Variants in KIAA1671 observed in about 807,000 individuals in gnomAD.
The protein encoded by KIAA1671 is uncharacterized protein KIAA1671.
KIAA1671 carries 52 observed loss-of-function variants against 131.2 expected under a neutral mutation model. That is an observed-to-expected ratio of 0.40 (90% CI 0.32 to 0.50). KIAA1671 has a LOEUF of 0.50. Among genes scored for constraint, KIAA1671 ranks in the 20% least tolerant of loss-of-function variants. KIAA1671 has a pLI of 0.73. For synonymous variants in KIAA1671, 1,003 were observed against 961.6 expected, an observed-to-expected ratio of 1.04 and a Z score of -0.80; for missense variants, 2,360 against 2,364.2, an observed-to-expected ratio of 1.00 and a Z score of 0.04.
intron 1 of KIAA1671, among the ~76,000 whole-genome samples, chr22:24,973,568 G>A (rs1014665047): frequency 1.3e-5 from 2 of 151,192 alleles, no homozygotes; most frequent in African/African-American, 4.9e-5. Context: ...TAATTTTTTT[G>A]TATTTTTAAT....
chr22:25,102,199 G>T (rs1930722338), intron 6 of KIAA1671, among the ~76,000 whole-genome samples: 1 of 152,212 alleles, frequency 6.6e-6, no homozygotes, highest in Non-Finnish European at 1.5e-5. Context: ...CGCTGTCAAA[G>T]TTCAGATCAT....
At chr22:25,049,520 C>T in intron 6 of KIAA1671, 156 bp downstream of exon 6, 1 of 798,814 alleles carries the variant, frequency 1.3e-6, no homozygotes, top group Non-Finnish European at 1.9e-6. Flanking sequence ...ACCTGACTAG[C>T]TGTGTTGTGG....
intron 1 of KIAA1671, among the ~76,000 whole-genome samples, chr22:24,972,470 A>C (rs570105314): frequency 6.6e-6 from 1 of 152,166 alleles, no homozygotes; most frequent in African/African-American, 2.4e-5. Context: ...GCATGCATGC[A>C]TCCATCCATC....
intron 6 of KIAA1671, among the ~76,000 whole-genome samples, chr22:25,169,826 G>A (rs1226635055): frequency 6.6e-6 from 1 of 152,236 alleles, no homozygotes; most frequent in Non-Finnish European, 1.5e-5. Flanking sequence ...AACAGCCCAA[G>A]GGATTGATGT....
chr22:24,990,820 T>C (rs1923796652), intron 1 of KIAA1671, among the ~76,000 whole-genome samples: 1 of 151,992 alleles, frequency 6.6e-6, no homozygotes. Context: ...TAGGAAGGGC[T>C]CAGGGCTCGG....
At position 25,170,833 on chromosome 22, in the gene KIAA1671, A is replaced by C. The variant is rs772343799; in HGVS notation, c.4544A>C (p.Gln1515Pro). 6.4e-7 allele frequency: 1 copy of C among 1,551,706 alleles called. No individual in the cohort carries two copies. Among genetic ancestry groups the C allele is most frequent in the South Asian group, 1.2e-5 (1 of 84,060 alleles). The stretch of plus-strand genomic sequence containing the variant: ...TTGTCTTTGCAGGACCAGCTGAAGC[A>C]GTGTTTCTCCCGGCAGCCCACTGAA... ...RSGPFVDQLKQCFSRQPTEPK... is the reference protein window; with the variant it reads ...RSGPFVDQLKPCFSRQPTEPK... Residue 1515 changes from glutamine (Q) to proline (P), a missense_variant, in exon 7 of 13, where the codon CAG becomes CCG. Gln to Pro is a moderately conservative substitution (Grantham distance 76, BLOSUM62 -1). Around this residue, in one of 3 missense-constraint regions of KIAA1671, gnomAD observed 1,161 missense variants for 1,204.7 expected, o/e 0.96. Coordinates refer to ENST00000358431, the MANE Select transcript of KIAA1671 (RefSeq NM_001145206.2).
intron 6 of KIAA1671, among the ~76,000 whole-genome samples, chr22:25,067,102 G>A (rs1928515446): frequency 6.6e-6 from 1 of 152,134 alleles, no homozygotes; most frequent in Non-Finnish European, 1.5e-5. Context: ...TGGGCACTGG[G>A]GGCAGCTTCT....
At position 25,185,071 on chromosome 22, in the gene KIAA1671, G is replaced by C; in HGVS notation, c.5294G>C (p.Gly1765Ala). 6.4e-7 allele frequency: 1 copy of C among 1,551,660 alleles called. No homozygotes were observed. Among genetic ancestry groups the C allele is most frequent in the Non-Finnish European group, 8.7e-7 (1 of 1,146,976 alleles). The change falls in exon 11 of 13, where the codon GGG becomes GCG. Residue 1765 changes from glycine to alanine, a missense_variant. By Grantham distance (60) the Gly-to-Ala change is moderately conservative. Coordinates refer to ENST00000358431, the MANE Select transcript of KIAA1671 (RefSeq NM_001145206.2). Reference sequence around the variant, plus strand: ...AGCCCCAAGTCCCCCTTCCAGCCTGGGGTGCTGGGCAGTCGCGTGCTGCCT... The same window carrying C: ...AGCCCCAAGTCCCCCTTCCAGCCTGCGGTGCTGGGCAGTCGCGTGCTGCCT... ...PKSPKSPFQP[G>A]VLGSRVLPSS... is the part of the protein sequence containing the mutation.
At chr22:24,982,695 T>C (rs1044673608) in intron 1 of KIAA1671, among the ~76,000 whole-genome samples, 5 of 152,134 alleles carry the variant, frequency 3.3e-5, no homozygotes, top group African/African-American at 1.2e-4. Flanking sequence ...CCCAAGAGGC[T>C]TTTATCTCCA....
intron 6 of KIAA1671, among the ~76,000 whole-genome samples, chr22:25,105,365 C>T (rs1470337106): frequency 1.3e-5 from 2 of 152,134 alleles, no homozygotes; most frequent in Middle Eastern, 3.2e-3. Flanking sequence ...CTAGAAATGG[C>T]GATCTCTGTG....
chr22:25,170,414 C>T (rs915768768), intron 6 of KIAA1671, among the ~76,000 whole-genome samples: 2 of 152,120 alleles, frequency 1.3e-5, no homozygotes, highest in Admixed American at 1.3e-4. Flanking sequence ...GTGGTAGGAA[C>T]CTGGGCAAGC....
chr22:24,959,676 C>T (rs1921911196), intron 1 of KIAA1671, among the ~76,000 whole-genome samples: 1 of 152,040 alleles, frequency 6.6e-6, no homozygotes, highest in African/African-American at 2.4e-5. Flanking sequence ...GATCACCTGC[C>T]CTTAGGAATC....
chr22:25,077,133 A>G (rs1425663381), intron 6 of KIAA1671, among the ~76,000 whole-genome samples: 1 of 152,214 alleles, frequency 6.6e-6, no homozygotes, highest in African/African-American at 2.4e-5. Flanking sequence ...AAGCTTTGCA[A>G]CGAGGAGGAT....
intron 6 of KIAA1671, among the ~76,000 whole-genome samples, chr22:25,074,838 C>T (rs1031934188): frequency 7.2e-5 from 11 of 152,148 alleles, no homozygotes; most frequent in Non-Finnish European, 1.6e-4. Context: ...TACATTGGAG[C>T]ATGGGAGTGC....
rs78386097 is a variant in KIAA1671 at position 24,962,953 on chromosome 22, G to A, written c.-208+10181G>A. The stretch of plus-strand genomic sequence containing the variant: ...CCCAGCCAGAAAAGAGTCACGGGGA[G>A]CTCTGATCTAAGAAGTATTCACATG... On this transcript the variant is annotated intron_variant, in intron 1 of 12. Coordinates refer to ENST00000358431, the MANE Select transcript of KIAA1671 (RefSeq NM_001145206.2). 4.7e-3 allele frequency among the ~76,000 whole-genome samples: 711 copies of A among 152,064 alleles called. 6 individuals carry two copies. The highest frequency in any genetic ancestry group is 0.016 in the African/African-American group (677 of 41,408).
In KIAA1671 at chr22:25,181,813, C is replaced by G. The variant is rs1232787597; in HGVS notation, c.5189C>G (p.Ala1730Gly). Residue 1730 changes from alanine to glycine, a missense_variant, in exon 10 of 13, where the codon GCA becomes GGA. Ala to Gly is a moderately conservative substitution (Grantham distance 60, BLOSUM62 0). Around this residue, in one of 3 missense-constraint regions of KIAA1671, gnomAD observed 1,161 missense variants for 1,204.7 expected, o/e 0.96. Coordinates refer to ENST00000358431, the MANE Select transcript of KIAA1671 (RefSeq NM_001145206.2). Reference protein sequence around the residue: ...RMPAFPGMDPAVLKAQLHKRP... With the variant: ...RMPAFPGMDPGVLKAQLHKRP... ...CCTGCGTTTCCAGGCATGGATCCGG[C>G]AGTGCTAAAGGTACCAGACCTCTCA... 1 of 1,551,492 alleles carries G rather than the reference C, an allele frequency of 6.4e-7. No individual in the cohort carries two copies. The highest frequency in any genetic ancestry group is 2.0e-5 in the Admixed American group (1 of 50,990).
At chr22:25,178,102 C>T (rs1336996749) in intron 9 of KIAA1671, among the ~76,000 whole-genome samples, 1 of 152,168 alleles carries the variant, frequency 6.6e-6, no homozygotes, top group Non-Finnish European at 1.5e-5. Context: ...CGGGCAGCAG[C>T]TTTGGGATGG....
chr22:25,145,957 AAAAC>A (rs1002138567), intron 6 of KIAA1671, among the ~76,000 whole-genome samples: 11 of 151,898 alleles, frequency 7.2e-5, no homozygotes, highest in African/African-American at 2.7e-4. Flanking sequence ...AAAAAAAAAA[AAAAC>A]AACAACAAGC....
At chr22:25,155,611 T>G (rs1307951512) in intron 6 of KIAA1671, among the ~76,000 whole-genome samples, 1 of 152,064 alleles carries the variant, frequency 6.6e-6, no homozygotes, top group African/African-American at 2.4e-5. Context: ...TGTGTATATT[T>G]GTGTTTGTGT....
Sources: allele counts gnomAD v4.1 joint callset (sites outside exome capture counted in the v4.1 genomes callset), GRCh38; gene constraint gnomAD v4.1.1; regional missense constraint gnomAD v4.1.1; transcripts MANE v1.5; gene names NCBI Gene and HGNC (gene_info 2026-07-23, HGNC 2026-07-21).